The following RGSL1 variants were observed in gnomAD, a reference collection of about 807,000 sequenced individuals.
The protein encoded by RGSL1 is regulator of G protein signaling like 1.
RGSL1 carries 97 observed loss-of-function variants against 124.7 expected under a neutral mutation model. That is an observed-to-expected ratio of 0.78 (90% CI 0.66 to 0.92). RGSL1 has a LOEUF of 0.92. Among genes scored for constraint, RGSL1 ranks in the 40% least tolerant of loss-of-function variants. The pLI is 0.00. For missense variants in RGSL1, 1,233 were observed against 1,288.4 expected (o/e 0.96, Z 0.66); for synonymous variants, 424 against 438.1 (o/e 0.97, Z 0.40).
In RGSL1 at chr1:182,521,819, T is replaced by C. The variant is rs143570727; in HGVS notation, c.1826-185T>C. Among the ~76,000 whole-genome samples, 498 of 152,306 alleles carry C rather than the reference T, an allele frequency of 3.3e-3. 1 individual carries two copies. Among genetic ancestry groups the C allele is most frequent in the Admixed American group, 5.3e-3 (81 of 15,306 alleles). On this transcript the variant is annotated intron_variant, in intron 9 of 21. Coordinates refer to ENST00000294854, the MANE Select transcript of RGSL1 (RefSeq NM_001137669.2). ...ATAACATAACCTGGACTGATGTTCA[T>C]GTCAGGGGTATCAGTCATCCCTAAG...
At chr1:182,468,728 A>T (rs1342517092) in intron 4 of RGSL1, among the ~76,000 whole-genome samples, 1 of 152,128 alleles carries the variant, frequency 6.6e-6, no homozygotes, top group South Asian at 2.1e-4. Context: ...AAACCTGCAC[A>T]TTGTGCACAT....
Position 182,527,583 on chromosome 1 carries a change from T to G in RGSL1, c.1936T>G (p.Leu646Val). 1 of 1,540,072 alleles carries G rather than the reference T, an allele frequency of 6.5e-7. No homozygotes were observed. Among genetic ancestry groups the G allele is most frequent in the East Asian group, 2.4e-5 (1 of 40,860 alleles). ...AGATGCTTTCTTGTTTTCCAGAAAC[T>G]TGACAGAAGTCCTCTTAAATACACA... ...VRKPSMRPRN[L>V]TEVLLNTQHL... The change falls in exon 11 of 22, where the codon TTG (leucine) becomes GTG (valine). Residue 646 changes from leucine to valine, a missense_variant. Leu to Val is a conservative substitution (Grantham distance 32). Transcript: ENST00000294854.
chr1:182,557,450 G>A (rs10494533), intron 21 of RGSL1, among the ~76,000 whole-genome samples: 6,728 of 152,240 alleles, frequency 0.044, 484 homozygotes, highest in African/African-American at 0.15. Context: ...AAACTAGAGA[G>A]GATGTTAGGC....
intron 9 of RGSL1, among the ~76,000 whole-genome samples, chr1:182,520,486 C>T (rs999130622): frequency 2.6e-5 from 4 of 152,130 alleles, no homozygotes; most frequent in Middle Eastern, 3.2e-3. Context: ...TCTTGTGTCC[C>T]ATTGTGACTT....
Position 182,558,625 on chromosome 1 carries a change from C to T in RGSL1, c.*166-1654C>T, listed in dbSNP as rs143023878. On this transcript the variant is annotated intron_variant, in intron 21 of 21. Coordinates refer to ENST00000294854, the MANE Select transcript of RGSL1 (RefSeq NM_001137669.2). ...TCCTTCCTGGCTGTCAGCTGAGAGC[C>T]GTTCCCAGTTTCTGAGAAGCCACCT... Among the ~76,000 whole-genome samples the T allele has an allele frequency of 7.2e-5, 11 of 152,186 alleles. No homozygotes were observed. In the South Asian group the frequency reaches 1.5e-3, roughly 20 times the overall value.
chr1:182,474,388 A>G lies in RGSL1; in HGVS notation c.1277A>G (p.His426Arg). The change falls in exon 6 of 22, where the codon CAC becomes CGC. Residue 426 changes from histidine (H) to arginine (R), a missense_variant. Transcript: ENST00000294854. ...NKKNGNAIFR[H>R]LLGDRICELY... Reference sequence around the variant, plus strand: ...AAGAATGGGAATGCAATCTTTCGTCACTTGCTGGGTGACAGAATCTGCGAG... The same window carrying G: ...AAGAATGGGAATGCAATCTTTCGTCGCTTGCTGGGTGACAGAATCTGCGAG... The G allele has an allele frequency of 6.4e-7, 1 of 1,552,020 alleles. No homozygotes were observed. The highest frequency in any genetic ancestry group is 8.7e-7 in the Non-Finnish European group (1 of 1,147,034).
intron 1 of RGSL1, chr1:182,453,389 C>T (rs1481841925): frequency 6.6e-6 from 1 of 152,608 alleles, no homozygotes; most frequent in African/African-American, 2.4e-5. Context: ...ATTACACTAA[C>T]ATCAGATGCA....
intron 20 of RGSL1, 81 bp from the exon 21 acceptor site, chr1:182,555,943 T>C (rs1268562370): frequency 7.7e-7 from 1 of 1,295,596 alleles, no homozygotes; most frequent in Admixed American, 2.0e-5. Flanking sequence ...CTAAAGGAAA[T>C]GACAGTGACA....
chr1:182,458,310 G>T lies in RGSL1; in HGVS notation c.97-9G>T, dbSNP rs201942792. 5.8e-6 allele frequency: 9 copies of T among 1,551,242 alleles called. No individual in the cohort carries two copies. Among genetic ancestry groups the T allele is most frequent in the South Asian group, 3.6e-5 (3 of 84,030 alleles). ...ACTCCCTTGACTGTTTCCTAGCTTT[G>T]TTTTGCAGGTTTTTGGTCAGACACC... On this transcript the variant is annotated splice_polypyrimidine_tract_variant and intron_variant, in intron 2 of 21. Coordinates refer to ENST00000294854, the MANE Select transcript of RGSL1 (RefSeq NM_001137669.2).
At chr1:182,549,155 G>T in intron 17 of RGSL1, 1 of 214,950 alleles carries the variant, frequency 4.7e-6, no homozygotes, top group South Asian at 8.9e-5. Context: ...GCCCCTTGGG[G>T]AGAAATTCTG....
In RGSL1 at chr1:182,472,790, GAA is replaced by G. The variant is rs572232954; in HGVS notation, c.463+234_463+235del. Among the ~76,000 whole-genome samples, 232 of 152,280 alleles carry G rather than the reference GAA, an allele frequency of 1.5e-3. 1 individual carries two copies. Among genetic ancestry groups the G allele is most frequent in the African/African-American group, 4.1e-3 (171 of 41,570 alleles). ...ACTACCTGCCAATGAAGGCTGGCTG[GAA>G]GGAGCGGGGAGGAATTGGGGCAGGA... On this transcript the variant is annotated intron_variant, in intron 5 of 21. Coordinates refer to ENST00000294854, the MANE Select transcript of RGSL1 (RefSeq NM_001137669.2).
At chr1:182,524,422 T>C (rs1412555484) in intron 10 of RGSL1, among the ~76,000 whole-genome samples, 1 of 152,084 alleles carries the variant, frequency 6.6e-6, no homozygotes, top group Non-Finnish European at 1.5e-5. Flanking sequence ...AAAATACAGA[T>C]GTACAAAGCA....
intron 9 of RGSL1, among the ~76,000 whole-genome samples, chr1:182,496,007 G>A (rs1034719410): frequency 6.6e-6 from 1 of 152,202 alleles, no homozygotes; most frequent in Non-Finnish European, 1.5e-5. Context: ...AGAAATACCT[G>A]AGGTTGGGTA....
At chr1:182,551,031 C>T (rs1011553242) in intron 17 of RGSL1, 69 bp from the exon 18 acceptor site, 1 of 1,038,970 alleles carries the variant, frequency 9.6e-7, no homozygotes, top group African/African-American at 1.6e-5. Context: ...CCTGTTTCCC[C>T]TGTGCTCGGT....
intron 1 of RGSL1, chr1:182,450,432 TG>T: frequency 1.8e-6 from 1 of 559,974 alleles, no homozygotes. Context: ...AAATGTGGAT[TG>T]GGCCACCTCT....
At chr1:182,451,699 C>A (rs1212049182) in intron 1 of RGSL1, among the ~76,000 whole-genome samples, 2 of 85,954 alleles carry the variant, frequency 2.3e-5, no homozygotes, top group African/African-American at 6.7e-5. Context: ...TGGACTTTAC[C>A]TTCTAGGACA....
upstream of RGSL1, chr1:182,449,315 T>C (rs977383296): frequency 6.6e-6 from 1 of 152,242 alleles, no homozygotes; most frequent in Non-Finnish European, 1.5e-5. Context: ...TGATATTGTA[T>C]TGACGATTCA....
intron 2 of RGSL1, among the ~76,000 whole-genome samples, chr1:182,454,996 T>C (rs1487868355): frequency 1.3e-5 from 2 of 152,166 alleles, no homozygotes; most frequent in African/African-American, 2.4e-5. Flanking sequence ...GGGTGGTTAC[T>C]TTGTGCCAGC....
At chr1:182,489,993 C>T (rs897620442) in intron 8 of RGSL1, among the ~76,000 whole-genome samples, 1 of 152,076 alleles carries the variant, frequency 6.6e-6, no homozygotes, top group African/African-American at 2.4e-5. Context: ...ACAATAAATA[C>T]GTTTGACTTC....
Sources: gnomAD v4.1 joint callset for allele counts (sites outside exome capture counted in the v4.1 genomes callset) on GRCh38, gnomAD v4.1.1 for gene constraint, MANE v1.5 for transcripts, NCBI Gene and HGNC (gene_info 2026-07-23, HGNC 2026-07-21) for gene names.